ARHGAP24: variants seen among roughly 807,000 people sequenced by gnomAD.
The protein encoded by ARHGAP24 is rho GTPase-activating protein 24.
A neutral mutation model predicts 76.4 loss-of-function variants in ARHGAP24; 50 were observed. The ratio of observed to expected loss-of-function variants is 0.65; its 90% confidence interval spans 0.52 to 0.83. ARHGAP24 has a LOEUF of 0.83. ARHGAP24 is among the 40% of genes least tolerant of loss of function. ARHGAP24 has a pLI of 0.00. For missense variants in ARHGAP24, 930 were observed against 914.2 expected, an observed-to-expected ratio of 1.02 and a Z score of -0.22; for synonymous variants, 345 against 323.3, an observed-to-expected ratio of 1.07 and a Z score of -0.72.
At chr4:85,869,467 T>G (rs1035099190) in intron 3 of ARHGAP24, among the ~76,000 whole-genome samples, 4 of 152,186 alleles carry the variant, frequency 2.6e-5, no homozygotes, top group Non-Finnish European at 5.9e-5. Context: ...GCTTCCAGCA[T>G]TTGACTGGTG....
At chr4:85,726,518 G>A (rs1725173928) in intron 3 of ARHGAP24, among the ~76,000 whole-genome samples, 1 of 152,176 alleles carries the variant, frequency 6.6e-6, no homozygotes, top group Admixed American at 6.5e-5. Flanking sequence ...TTCAAACTGA[G>A]GGGCTGGGGC....
chr4:85,742,621 G>T (rs955456984), intron 3 of ARHGAP24, among the ~76,000 whole-genome samples: 1 of 152,158 alleles, frequency 6.6e-6, no homozygotes, highest in African/African-American at 2.4e-5. Flanking sequence ...ATTAAAATCG[G>T]TTCTTTGATT....
At chr4:85,595,332 G>A (rs963702690) in intron 2 of ARHGAP24, among the ~76,000 whole-genome samples, 6 of 151,966 alleles carry the variant, frequency 3.9e-5, no homozygotes, top group Non-Finnish European at 7.4e-5. Context: ...CGCTCAGTTC[G>A]TTTTGTTCCT....
intron 2 of ARHGAP24, among the ~76,000 whole-genome samples, chr4:85,577,773 C>T (rs4693710): frequency 0.25 from 37,574 of 152,072 alleles, 6,620 homozygotes; most frequent in East Asian, 0.85. Flanking sequence ...TCAGGGAGAG[C>T]TTCTCAAAGG....
At chr4:85,973,625 G>GT (rs1359670250) in intron 6 of ARHGAP24, among the ~76,000 whole-genome samples, 1 of 152,046 alleles carries the variant, frequency 6.6e-6, no homozygotes, top group Non-Finnish European at 1.5e-5. Context: ...AGTTACTCCT[G>GT]TATTTTCTTC....
chr4:85,662,918 T>C (rs1243945556), intron 2 of ARHGAP24, among the ~76,000 whole-genome samples: 1 of 152,084 alleles, frequency 6.6e-6, no homozygotes, highest in Non-Finnish European at 1.5e-5. Flanking sequence ...TTGGTTACTG[T>C]AGCTTTGTAG....
intron 1 of ARHGAP24, among the ~76,000 whole-genome samples, chr4:85,476,932 G>C (rs748391085): frequency 6.6e-5 from 10 of 152,170 alleles, no homozygotes; most frequent in Non-Finnish European, 1.0e-4. Flanking sequence ...TATCTTCCCT[G>C]ACTGCCTGGC....
chr4:85,717,175 T>C (rs1380043934), intron 2 of ARHGAP24, among the ~76,000 whole-genome samples: 1 of 152,080 alleles, frequency 6.6e-6, no homozygotes, highest in Non-Finnish European at 1.5e-5. Context: ...ATCTTCCTAA[T>C]TCCCATTTCT....
intron 2 of ARHGAP24, among the ~76,000 whole-genome samples, chr4:85,647,861 C>T (rs1198596185): frequency 6.6e-6 from 1 of 152,088 alleles, no homozygotes; most frequent in Non-Finnish European, 1.5e-5. Context: ...ATCCATGGAA[C>T]TTATTGCCAT....
chr4:85,579,846 A>G (rs940320437), intron 2 of ARHGAP24, among the ~76,000 whole-genome samples: 19 of 151,918 alleles, frequency 1.3e-4, no homozygotes, highest in African/African-American at 3.6e-4. Flanking sequence ...TTTAAAATCC[A>G]TTTGTCGGTT....
chr4:85,698,503 C>T (rs1723952681), intron 2 of ARHGAP24, among the ~76,000 whole-genome samples: 1 of 152,298 alleles, frequency 6.6e-6, no homozygotes, highest in Non-Finnish European at 1.5e-5. Flanking sequence ...TATATAACAT[C>T]CTTCCTGGCT....
chr4:85,923,739 C>A lies in ARHGAP24; in HGVS notation c.360C>A (p.Ile120=), dbSNP rs755010485. 14 of 1,613,986 alleles carry A rather than the reference C, an allele frequency of 8.7e-6. No individual in the cohort carries two copies. Among genetic ancestry groups the A allele is most frequent in the Non-Finnish European group, 1.2e-5 (14 of 1,179,936 alleles). ...QNDMEDWVKS[I]RRVIWGPFGG... is the part of the protein sequence containing the mutation. Reference sequence around the variant, plus strand: ...ATATGGAAGACTGGGTGAAGTCAATCCGCCGAGTCATATGGGGACCTTTCG... The same window carrying A: ...ATATGGAAGACTGGGTGAAGTCAATACGCCGAGTCATATGGGGACCTTTCG... The change falls in exon 4 of 10, where the codon ATC becomes ATA. Residue 120 remains isoleucine (I), a synonymous_variant. Coordinates refer to ENST00000395184, the MANE Select transcript of ARHGAP24 (RefSeq NM_001025616.3).
At chr4:85,685,213 C>T (rs1295681822) in intron 2 of ARHGAP24, among the ~76,000 whole-genome samples, 2 of 152,114 alleles carry the variant, frequency 1.3e-5, no homozygotes, top group Non-Finnish European at 2.9e-5. Flanking sequence ...TCCACCAGTT[C>T]ATTAGGTATA....
intron 3 of ARHGAP24, among the ~76,000 whole-genome samples, chr4:85,786,165 TG>T (rs1263803993): frequency 6.6e-6 from 1 of 151,780 alleles, no homozygotes; most frequent in Admixed American, 6.6e-5. Context: ...TGACCAAAAC[TG>T]TCCAAACTAA....
intron 3 of ARHGAP24, among the ~76,000 whole-genome samples, chr4:85,803,721 AGT>A (rs1728672013): frequency 6.6e-6 from 1 of 152,188 alleles, no homozygotes; most frequent in Non-Finnish European, 1.5e-5. Context: ...TTTACAGGGC[AGT>A]TCACACCTTT....
intron 2 of ARHGAP24, among the ~76,000 whole-genome samples, chr4:85,704,798 G>A (rs1048988988): frequency 3.9e-5 from 6 of 152,028 alleles, no homozygotes; most frequent in Admixed American, 6.6e-5. Context: ...CCTCAGTACC[G>A]TATCTGGCAT....
At chr4:85,897,670 C>G (rs1413328762) in intron 3 of ARHGAP24, among the ~76,000 whole-genome samples, 1 of 152,196 alleles carries the variant, frequency 6.6e-6, no homozygotes, top group Non-Finnish European at 1.5e-5. Context: ...TGCTGCCTTT[C>G]TTACTCTTTT....
chr4:86,000,793 A>T lies in ARHGAP24; in HGVS notation c.*71A>T. Reference sequence around the variant, plus strand: ...GGGATTCTGGTGGGATATGACTTAGAACCAGGTGGCTGGTCACCTGGATGT... The same window carrying T: ...GGGATTCTGGTGGGATATGACTTAGTACCAGGTGGCTGGTCACCTGGATGT... On this transcript the variant is annotated 3_prime_UTR_variant, in exon 10 of 10. Coordinates refer to ENST00000395184, the MANE Select transcript of ARHGAP24 (RefSeq NM_001025616.3). The T allele has an allele frequency of 6.2e-7, 1 of 1,606,792 alleles. No individual in the cohort carries two copies. Among genetic ancestry groups the T allele is most frequent in the Non-Finnish European group, 8.5e-7 (1 of 1,175,950 alleles).
chr4:85,522,608 A>G lies in ARHGAP24; in HGVS notation c.-21+47049A>G, dbSNP rs118134589. ...TACTTATAAAGAATTATCCATAAATATCCCAACTATCTAACTAGGTTGATA... is the reference window on the plus strand; with the variant it reads ...TACTTATAAAGAATTATCCATAAATGTCCCAACTATCTAACTAGGTTGATA... On this transcript the variant is annotated intron_variant, in intron 1 of 9. Transcript: ENST00000395184. 9.6e-3 allele frequency among the ~76,000 whole-genome samples: 1,455 copies of G among 152,308 alleles called. 10 individuals are homozygous for G. The highest frequency in any genetic ancestry group is 0.019 in the East Asian group (96 of 5,180).
Sources: gnomAD v4.1 joint callset for allele counts (sites outside exome capture counted in the v4.1 genomes callset) on GRCh38, gnomAD v4.1.1 for gene constraint, MANE v1.5 for transcripts, NCBI Gene and HGNC (gene_info 2026-07-23, HGNC 2026-07-21) for gene names.